ABCF3: variants seen among roughly 807,000 people sequenced by gnomAD.
ABCF3 encodes ATP-binding cassette sub-family F member 3.
In ABCF3, 62 loss-of-function variants were observed where a neutral mutation model predicts 94.3. That is an observed-to-expected ratio of 0.66 (90% CI 0.54 to 0.81). The LOEUF (loss-of-function observed/expected upper bound fraction) is 0.81, where lower values mean the gene tolerates loss of function less well. ABCF3 is among the 40% of genes least tolerant of loss of function. ABCF3 has a pLI of 0.00. For synonymous variants in ABCF3, 355 were observed against 361.1 expected, an observed-to-expected ratio of 0.98 and a Z score of 0.19; for missense variants, 843 against 925.3, an observed-to-expected ratio of 0.91 and a Z score of 1.15.
chr3:184,188,490 A>G (rs923379994), intron 7 of ABCF3, 83 bp downstream of exon 7: 6 of 1,517,444 alleles, frequency 4.0e-6, no homozygotes, highest in Non-Finnish European at 5.3e-6. Flanking sequence ...CATAATTTGC[A>G]TGTACATCCT....
chr3:184,192,968 G>A, intron 18 of ABCF3, 72 bp downstream of exon 18: 1 of 1,590,908 alleles, frequency 6.3e-7, no homozygotes, highest in South Asian at 1.1e-5. Context: ...CGGCAGCTAG[G>A]CCTGCCTTGG....
Position 184,189,109 on chromosome 3 carries a change from G to T in ABCF3, c.999G>T (p.Arg333Ser). 1 of 1,614,204 alleles carries T rather than the reference G, an allele frequency of 6.2e-7. No homozygotes were observed. The highest frequency in any genetic ancestry group is 8.5e-7 in the Non-Finnish European group (1 of 1,180,038). ...TTAGGGAGTTCTCAGGTGGCTGGAG[G>T]ATGAGGCTGGCCCTGGCCCGGGCCC... Reference protein sequence around the residue: ...QPTREFSGGWRMRLALARALF... With the variant: ...QPTREFSGGWSMRLALARALF... The change falls in exon 10 of 21, where the codon AGG becomes AGT. Residue 333 changes from arginine to serine, a missense_variant. Arg to Ser is a moderately radical substitution (Grantham distance 110, BLOSUM62 -1). Coordinates refer to ENST00000429586, the MANE Select transcript of ABCF3 (RefSeq NM_018358.3).
At chr3:184,190,249 A>G in intron 14 of ABCF3, 1 of 409,982 alleles carries the variant, frequency 2.4e-6, no homozygotes, top group East Asian at 4.9e-5. Flanking sequence ...AGGCTCATCC[A>G]TATTGTAGCG....
chr3:184,189,359 C>G, intron 11 of ABCF3, 29 bp from the exon 12 acceptor site: 3 of 1,614,174 alleles, frequency 1.9e-6, no homozygotes, highest in Non-Finnish European at 2.5e-6. Flanking sequence ...GCCCTTCAAT[C>G]CCAAGTGTGT....
chr3:184,189,421 T>C lies in ABCF3; in HGVS notation c.1091T>C (p.Leu364Pro). 4 of 1,614,122 alleles carry C rather than the reference T, an allele frequency of 2.5e-6. No homozygotes were observed. Among genetic ancestry groups the C allele is most frequent in the Non-Finnish European group, 3.4e-6 (4 of 1,180,026 alleles). The change falls in exon 12 of 21, where the codon CTG (leucine) becomes CCG (proline). Residue 364 changes from leucine to proline, a missense_variant. Coordinates refer to ENST00000429586, the MANE Select transcript of ABCF3 (RefSeq NM_018358.3). ...PTNMLDVRAI[L>P]WLENYLQTWP... ...AACATGCTGGATGTCAGGGCCATCC[T>C]GTGGCTGGAGAATTACCTGCAGGTG...
At chr3:184,186,975 G>A in intron 3 of ABCF3, 100 bp downstream of exon 3, 1 of 1,244,488 alleles carries the variant, frequency 8.0e-7, no homozygotes, top group South Asian at 1.5e-5. Flanking sequence ...CTTTTCCACA[G>A]GACAAGGTTG....
chr3:184,191,326 G>A (rs1716011468), intron 16 of ABCF3, 71 bp downstream of exon 16: 1 of 1,602,862 alleles, frequency 6.2e-7, no homozygotes, highest in Non-Finnish European at 8.5e-7. Context: ...GATTGGCCCA[G>A]ATCCTCAGGC....
chr3:184,187,741 G>T lies in ABCF3; in HGVS notation c.426G>T (p.Thr142=). 6.2e-7 allele frequency: 1 copy of T among 1,614,188 alleles called. No homozygotes were observed. Among genetic ancestry groups the T allele is most frequent in the East Asian group, 2.2e-5 (1 of 44,886 alleles). ...AKQEKRSEKD[T]LKTSNPLVLE... Reference sequence around the variant, plus strand: ...AGGAGAAGCGCTCAGAGAAGGACACGCTCAAGACCAGCAACCCTCTGTGAG... The same window carrying T: ...AGGAGAAGCGCTCAGAGAAGGACACTCTCAAGACCAGCAACCCTCTGTGAG... The change falls in exon 5 of 21, where the codon ACG becomes ACT. Residue 142 remains threonine (T), a synonymous_variant. Coordinates refer to ENST00000429586, the MANE Select transcript of ABCF3 (RefSeq NM_018358.3).
At chr3:184,191,742 A>C (rs201112651) in intron 16 of ABCF3, among the ~76,000 whole-genome samples, 1 of 47,734 alleles carries the variant, frequency 2.1e-5, no homozygotes, top group Non-Finnish European at 4.3e-5. Flanking sequence ...CTGTAGAGTT[A>C]GAGTTCCTTT....
chr3:184,187,981 T>C lies in ABCF3; in HGVS notation c.567T>C (p.Asp189=), dbSNP rs531160654. The C allele has an allele frequency of 1.9e-6, 3 of 1,613,940 alleles. No individual in the cohort carries two copies. Among genetic ancestry groups the C allele is most frequent in the South Asian group, 1.1e-5 (1 of 91,088 alleles). Residue 189 remains aspartate, a splice_region_variant and synonymous_variant, in exon 6 of 21, where the codon GAT becomes GAC. Coordinates refer to ENST00000429586, the MANE Select transcript of ABCF3 (RefSeq NM_018358.3). ...RIENFDVSFG[D]RVLLAGADVN... is the part of the protein sequence containing the mutation. ...AGAACTTTGATGTGTCTTTTGGCGA[T>C]AGGTGAGGGAATAGTGGTGGCAGGG...
chr3:184,189,802 GAGTGGGGGAT>G, intron 13 of ABCF3, 43 bp from the exon 14 acceptor site: 2 of 1,614,088 alleles, frequency 1.2e-6, no homozygotes, highest in Non-Finnish European at 1.7e-6. Context: ...AGGGGTTCCA[GAGTGGGGGAT>G]AGTGGGGGAA....
In ABCF3 at chr3:184,193,770, C is replaced by G; in HGVS notation, c.*72C>G. ...ACCCCTGGGCCACCATGTAGGCCAC[C>G]ACTCCAGGCCGTGGACTTCCCCCAA... On this transcript the variant is annotated 3_prime_UTR_variant, in exon 21 of 21. Coordinates refer to ENST00000429586, the MANE Select transcript of ABCF3 (RefSeq NM_018358.3). This position sits in a 1 kb window ranked among gnomAD's most constrained non-coding sequence, Gnocchi z 5.2. 5.5e-6 allele frequency: 8 copies of G among 1,460,730 alleles called. No individual in the cohort carries two copies. The highest frequency in any genetic ancestry group is 7.3e-6 in the Non-Finnish European group (8 of 1,097,548). 90.5% of individuals were successfully genotyped at this position (1,460,730 alleles called of 1,614,324 possible). A position where few individuals can be genotyped will look rare whatever the true frequency, so the allele number is the denominator to read the frequency against.
chr3:184,189,924 G>C lies in ABCF3; in HGVS notation c.1384G>C (p.Glu462Gln), dbSNP rs1237452494. ...SQVQSKLKML[E>Q]KLPELKPVDK... The stretch of plus-strand genomic sequence containing the variant: ...AGTGCAGAGTAAACTCAAGATGCTG[G>C]AGAAGCTGTGAGTACAGCATCCTTG... The change falls in exon 14 of 21, where the codon GAG becomes CAG. Residue 462 changes from glutamate (E) to glutamine (Q), a missense_variant. By Grantham distance (29) the Glu-to-Gln change is conservative. Coordinates refer to ENST00000429586, the MANE Select transcript of ABCF3 (RefSeq NM_018358.3). 6.2e-7 allele frequency: 1 copy of C among 1,614,078 alleles called. No homozygotes were observed. Among genetic ancestry groups the C allele is most frequent in the Non-Finnish European group, 8.5e-7 (1 of 1,180,038 alleles).
Position 184,194,001 on chromosome 3 carries a change from G to C in ABCF3, c.*303G>C, listed in dbSNP as rs1003647810. 9.0e-6 allele frequency: 3 copies of C among 331,856 alleles called. No homozygotes were observed. Among genetic ancestry groups the C allele is most frequent in the Non-Finnish European group, 1.7e-5 (3 of 180,142 alleles). The allele number at this position is 331,856 out of a possible 1,614,324, so 20.6% of individuals were successfully genotyped here. ...TGCTATGTAAATTAAATCTCTCCCCGCGTCTCCTTTGCCTCATGTCTGCTG... is the reference window on the plus strand; with the variant it reads ...TGCTATGTAAATTAAATCTCTCCCCCCGTCTCCTTTGCCTCATGTCTGCTG... On this transcript the variant is annotated 3_prime_UTR_variant, in exon 21 of 21. Transcript: ENST00000429586.
rs768785470 is a variant in ABCF3 at position 184,186,783 on chromosome 3, C to T, written c.222-13C>T. ...AACTCCTAACTCTGCGCTTTCTATCCCTACCCACATAGGGCTGAGCCACAA... is the reference window on the plus strand; with the variant it reads ...AACTCCTAACTCTGCGCTTTCTATCTCTACCCACATAGGGCTGAGCCACAA... On this transcript the variant is annotated splice_polypyrimidine_tract_variant and intron_variant, in intron 2 of 20. Transcript: ENST00000429586. The T allele has an allele frequency of 3.7e-6, 6 of 1,611,984 alleles. No individual in the cohort carries two copies. In the African/African-American group the frequency reaches 8.0e-5, roughly 22 times the overall value.
rs777083765 is a variant in ABCF3 at position 184,189,465 on chromosome 3, AGT to A, written c.1113+27_1113+28del. The A allele has an allele frequency of 5.0e-6, 8 of 1,613,600 alleles. No homozygotes were observed. The South Asian group carries it at 8.8e-5, about 18-fold the overall frequency. On this transcript the variant is annotated intron_variant, in intron 12 of 20. Coordinates refer to ENST00000429586, the MANE Select transcript of ABCF3 (RefSeq NM_018358.3). Reference sequence around the variant, plus strand: ...GCAGGTGAGTGCCTGTGGGTGCTGGAGTGTGTTGGGGAAAGGCGGCCTCCAAG... The same window carrying A: ...GCAGGTGAGTGCCTGTGGGTGCTGGAGTGTTGGGGAAAGGCGGCCTCCAAG...
Position 184,193,130 on chromosome 3 carries a change from G to A in ABCF3, c.1779G>A (p.Gln593=). 6.4e-7 allele frequency: 1 copy of A among 1,550,692 alleles called. No homozygotes were observed. The change falls in exon 19 of 21, where the codon CAG becomes CAA. Residue 593 remains glutamine, a synonymous_variant. Transcript: ENST00000429586. The surrounding 1 kb of genome is among the most constrained non-coding windows in gnomAD (Gnocchi z 5.2). ...GGCCTGAGGAGGAGTACCGTCACCA[G>A]CTGGGTCGGTATGGCATCTCCGGAG... is the stretch of plus-strand genomic sequence containing the variant. ...PGRPEEEYRH[Q]LGRYGISGEL...
At chr3:184,186,962 C>T in intron 3 of ABCF3, 87 bp downstream of exon 3, 8 of 1,357,922 alleles carry the variant, frequency 5.9e-6, no homozygotes, top group East Asian at 4.8e-5. Context: ...AGGGCTCCTA[C>T]GTCTTTTCCA....
intron 14 of ABCF3, 198 bp from the exon 15 acceptor site, chr3:184,190,801 G>GT: frequency 1.6e-6 from 1 of 620,038 alleles, no homozygotes; most frequent in Non-Finnish European, 2.7e-6. Context: ...TCACAATATA[G>GT]TAACTGGGGA....
Sources: allele counts gnomAD v4.1 joint callset (sites outside exome capture counted in the v4.1 genomes callset), GRCh38; gene constraint gnomAD v4.1.1; non-coding constraint Gnocchi (gnomAD v3.1); transcripts MANE v1.5; gene names NCBI Gene and HGNC (gene_info 2026-07-23, HGNC 2026-07-21).